The following GSAP variants were observed in gnomAD, a reference collection of about 807,000 sequenced individuals.
The protein encoded by GSAP is gamma-secretase-activating protein.
In GSAP, 118 loss-of-function variants were observed where a neutral mutation model predicts 131.7. That is an observed-to-expected ratio of 0.90 (90% confidence interval 0.77 to 1.04). The LOEUF (loss-of-function observed/expected upper bound fraction) is 1.04, where lower values mean the gene tolerates loss of function less well. Among genes scored for constraint, GSAP ranks in the 50% least tolerant of loss-of-function variants. The probability of loss-of-function intolerance (pLI) is 0.00; values close to 1 mark genes in which losing one functional copy is unlikely to be tolerated. For missense variants in GSAP, 1,019 were observed against 1,013.2 expected (o/e 1.01, Z -0.08); for synonymous variants, 381 against 363.4 (o/e 1.05, Z -0.55).
At position 77,360,895 on chromosome 7, in the gene GSAP, C is replaced by A; in HGVS notation, c.956G>T (p.Ser319Ile). 6.3e-7 allele frequency: 1 copy of A among 1,584,950 alleles called. No homozygotes were observed. The highest frequency in any genetic ancestry group is 8.7e-7 in the Non-Finnish European group (1 of 1,153,878). ...YSVFYIHKGH[S>I]KTFTTSLENV... ...CTCAAGAGAAGTGGTGAAGGTCTTG[C>A]TGTGTCCTGCAAAGAGAGAATATGA... Residue 319 changes from serine (S) to isoleucine (I), a missense_variant, in exon 14 of 31, where the codon AGC (serine) becomes ATC (isoleucine). Ser to Ile is a moderately radical substitution (Grantham distance 142). Coordinates refer to ENST00000257626, the MANE Select transcript of GSAP (RefSeq NM_017439.4).
At chr7:77,388,272 C>T (rs983522897) in intron 5 of GSAP, among the ~76,000 whole-genome samples, 7 of 152,164 alleles carry the variant, frequency 4.6e-5, no homozygotes, top group East Asian at 1.9e-4. Flanking sequence ...AAACACAGTG[C>T]GATTCTCTGT....
At chr7:77,355,521 G>A (rs528963413) in intron 15 of GSAP, 34 bp downstream of exon 15, 2 of 1,529,780 alleles carry the variant, frequency 1.3e-6, no homozygotes, top group East Asian at 2.2e-5. Context: ...AACTCAAATG[G>A]GCCACCTCTA....
At chr7:77,355,489 C>A (rs559964638) in intron 15 of GSAP, 59 bp from the exon 16 acceptor site, 1 of 1,498,122 alleles carries the variant, frequency 6.7e-7, no homozygotes, top group East Asian at 2.3e-5. Context: ...TTCACCCAAA[C>A]ATAGATATTA....
intron 24 of GSAP, 39 bp downstream of exon 24, chr7:77,323,608 G>A: frequency 1.0e-6 from 1 of 982,432 alleles, no homozygotes; most frequent in East Asian, 2.5e-5. Context: ...GGGGAGTGGG[G>A]TGAAGGGGCA....
chr7:77,404,582 C>T lies in GSAP; in HGVS notation c.220G>A (p.Asp74Asn), dbSNP rs1012933012. 2.6e-6 allele frequency: 4 copies of T among 1,557,704 alleles called. No homozygotes were observed. Among genetic ancestry groups the T allele is most frequent in the African/African-American group, 2.7e-5 (2 of 73,636 alleles). The change falls in exon 3 of 31, where the codon GAT (aspartate) becomes AAT (asparagine). Residue 74 changes from aspartate (D) to asparagine (N), a missense_variant. Physicochemically the swap from Asp to Asn is conservative, Grantham distance 23. Coordinates refer to ENST00000257626, the MANE Select transcript of GSAP (RefSeq NM_017439.4). The part of the protein sequence containing the change: ...DKGNVVFGLY[D>N]CQTRQNELLY... ...ACCTCATTTTGTCTGGTTTGACAAT[C>T]ATATAATCCAAAGACGACATTTCCC...
chr7:77,381,399 A>G lies in GSAP; in HGVS notation c.527-45T>C, dbSNP rs770369523. On this transcript the variant is annotated intron_variant, in intron 7 of 30. Coordinates refer to ENST00000257626, the MANE Select transcript of GSAP (RefSeq NM_017439.4). The stretch of plus-strand genomic sequence containing the variant: ...AAAGATAATTTAACCTTAAGGAAAT[A>G]TATGAGTACTATTTTTGCCTAACTC... 4 of 985,930 alleles carry G rather than the reference A, an allele frequency of 4.1e-6. No individual in the cohort carries two copies. In the South Asian group the frequency reaches 6.4e-5, roughly 16 times the overall value. The allele number at this position is 985,930 out of a possible 1,614,324, so 61.1% of individuals were successfully genotyped here. A position where few individuals can be genotyped will look rare whatever the true frequency, so the allele number is the denominator to read the frequency against.
At chr7:77,388,810 A>C (rs971899709) in intron 5 of GSAP, among the ~76,000 whole-genome samples, 1 of 152,240 alleles carries the variant, frequency 6.6e-6, no homozygotes. Context: ...TGTCCTAACA[A>C]CTGGAAGGTC....
chr7:77,406,923 G>A (rs1733421294), intron 1 of GSAP, among the ~76,000 whole-genome samples: 1 of 152,170 alleles, frequency 6.6e-6, no homozygotes, highest in Admixed American at 6.5e-5. Flanking sequence ...GTGGTTTAGA[G>A]GCACCTGAGA....
In GSAP at chr7:77,342,337, G is replaced by T. The variant is rs368074691; in HGVS notation, c.1545+7014C>A. On this transcript the variant is annotated intron_variant, in intron 19 of 30. Coordinates refer to ENST00000257626, the MANE Select transcript of GSAP (RefSeq NM_017439.4). The stretch of plus-strand genomic sequence containing the variant: ...TTCCCTTGCCTCCATAACTGTTGTG[G>T]GTATTGAAGGCCAGGCTTCAAAACC... 4.1e-3 allele frequency among the ~76,000 whole-genome samples: 631 copies of T among 152,078 alleles called. 6 individuals carry two copies. Among genetic ancestry groups the T allele is most frequent in the African/African-American group, 8.3e-3 (345 of 41,494 alleles).
intron 12 of GSAP, among the ~76,000 whole-genome samples, chr7:77,363,762 A>G (rs1200852231): frequency 1.3e-5 from 2 of 152,236 alleles, no homozygotes; most frequent in Admixed American, 6.6e-5. Context: ...GCAAAAAAGA[A>G]TAACTTCATC....
In GSAP at chr7:77,362,636, G is replaced by T; in HGVS notation, c.896C>A (p.Pro299Gln). 6.3e-7 allele frequency: 1 copy of T among 1,580,922 alleles called. No individual in the cohort carries two copies. Among genetic ancestry groups the T allele is most frequent in the Non-Finnish European group, 8.7e-7 (1 of 1,150,578 alleles). The change falls in exon 13 of 31, where the codon CCG becomes CAG. Residue 299 changes from proline to glutamine, a missense_variant. By Grantham distance (76) the Pro-to-Gln change is moderately conservative (BLOSUM62 -1). Coordinates refer to ENST00000257626, the MANE Select transcript of GSAP (RefSeq NM_017439.4). The part of the protein sequence containing the change: ...HTGSLCVCYS[P>Q]KCASWGQITY... ...GATTTGTCCCCAAGAGGCACACTTC[G>T]GGCTGTAACATACACACAAACTTCC... is the stretch of plus-strand genomic sequence containing the variant.
chr7:77,330,597 G>A (rs1313376871), intron 19 of GSAP: 14 of 983,084 alleles, frequency 1.4e-5, no homozygotes, highest in Middle Eastern at 4.2e-4. Context: ...TTTTTTTGTC[G>A]TTGTTTTTTT....
At chr7:77,379,041 A>G (rs1351633861) in intron 8 of GSAP, among the ~76,000 whole-genome samples, 1 of 152,176 alleles carries the variant, frequency 6.6e-6, no homozygotes, top group African/African-American at 2.4e-5. Flanking sequence ...TACCCTGTCC[A>G]TTATATTTAG....
chr7:77,389,289 G>GTATA (rs746050086), intron 5 of GSAP, among the ~76,000 whole-genome samples: 2 of 147,706 alleles, frequency 1.4e-5, no homozygotes, highest in African/African-American at 5.0e-5. Flanking sequence ...ATGTGTGTGT[G>GTATA]TATATATATA....
At chr7:77,363,198 G>A (rs924247602) in intron 12 of GSAP, among the ~76,000 whole-genome samples, 1 of 152,232 alleles carries the variant, frequency 6.6e-6, no homozygotes, top group African/African-American at 2.4e-5. Flanking sequence ...ATTGGCCCAA[G>A]GCCAAAGGAG....
At chr7:77,314,714 T>C in intron 26 of GSAP, 1 of 439,252 alleles carries the variant, frequency 2.3e-6, no homozygotes, top group Non-Finnish European at 4.2e-6. Flanking sequence ...TCCTTGCTCC[T>C]TGGGTCTCTT....
chr7:77,314,911 A>T (rs1269712035), intron 26 of GSAP: 1 of 161,094 alleles, frequency 6.2e-6, no homozygotes, highest in Admixed American at 6.0e-5. Flanking sequence ...AATAGTTTAT[A>T]TGGCTTATCT....
intron 5 of GSAP, among the ~76,000 whole-genome samples, chr7:77,393,242 G>A (rs1799856717): frequency 6.6e-6 from 1 of 152,016 alleles, no homozygotes; most frequent in Admixed American, 6.6e-5. Flanking sequence ...CCATTTGATG[G>A]ACAGACAAAA....
intron 19 of GSAP, among the ~76,000 whole-genome samples, chr7:77,335,818 T>C (rs1236894219): frequency 6.6e-6 from 1 of 152,240 alleles, no homozygotes; most frequent in African/African-American, 2.4e-5. Context: ...AGGACTCAAC[T>C]AGCACAGCTA....
Sources: allele counts gnomAD v4.1 joint callset (sites outside exome capture counted in the v4.1 genomes callset), GRCh38; gene constraint gnomAD v4.1.1; transcripts MANE v1.5; gene names NCBI Gene and HGNC (gene_info 2026-07-23, HGNC 2026-07-21).